The following CTNNA3 variants were observed in gnomAD, a reference collection of about 807,000 sequenced individuals.
The protein encoded by CTNNA3 is catenin alpha-3.
In CTNNA3, 76 loss-of-function variants were observed where a neutral mutation model predicts 95.7. The ratio of observed to expected loss-of-function variants is 0.79; its 90% CI spans 0.66 to 0.96. CTNNA3 has a LOEUF of 0.96. Ranked by LOEUF, CTNNA3 falls within the 40% of genes least tolerant of loss-of-function variation. The pLI is 0.00. For synonymous variants in CTNNA3, 431 were observed against 374.4 expected, an observed-to-expected ratio of 1.15 and a Z score of -1.74; for missense variants, 1,191 against 1,089.8, an observed-to-expected ratio of 1.09 and a Z score of -1.31.
At chr10:66,134,178 C>T (rs1440240023) in intron 13 of CTNNA3, among the ~76,000 whole-genome samples, 2 of 152,022 alleles carry the variant, frequency 1.3e-5, no homozygotes, top group Admixed American at 1.3e-4. Context: ...GAAAAAAGAA[C>T]ATTAAAGTGA....
At chr10:66,584,659 T>C (rs975054461) in intron 10 of CTNNA3, among the ~76,000 whole-genome samples, 3 of 151,980 alleles carry the variant, frequency 2.0e-5, no homozygotes, top group Non-Finnish European at 4.4e-5. Flanking sequence ...GTGCATCTTT[T>C]TAAAGTGGAG....
intron 9 of CTNNA3, among the ~76,000 whole-genome samples, chr10:66,687,909 T>G (rs1478416554): frequency 6.6e-6 from 1 of 152,156 alleles, no homozygotes; most frequent in Non-Finnish European, 1.5e-5. Context: ...TCAATTATAC[T>G]ATAGAGTTTG....
chr10:67,369,024 G>A, intron 5 of CTNNA3, among the ~76,000 whole-genome samples: 1 of 152,086 alleles, frequency 6.6e-6, no homozygotes, highest in South Asian at 2.1e-4. Flanking sequence ...CTACTTTAGG[G>A]GCTGAAGCAG....
intron 13 of CTNNA3, among the ~76,000 whole-genome samples, chr10:66,250,932 G>T (rs1482587241): frequency 1.3e-5 from 2 of 152,148 alleles, no homozygotes; most frequent in South Asian, 2.1e-4. Flanking sequence ...GAATTGACTA[G>T]TTACCATATG....
At chr10:66,048,193 G>A (rs7903671) in intron 15 of CTNNA3, among the ~76,000 whole-genome samples, 50,689 of 151,992 alleles carry the variant, frequency 0.33, 8,453 homozygotes, top group South Asian at 0.42. Flanking sequence ...AAAGAGCAAA[G>A]CTGGAGGCAT....
intron 11 of CTNNA3, among the ~76,000 whole-genome samples, chr10:66,396,135 G>A (rs1447101107): frequency 3.3e-5 from 5 of 151,886 alleles, no homozygotes; most frequent in Non-Finnish European, 5.9e-5. Flanking sequence ...TTTAATGGCT[G>A]CATAGTATTC....
At chr10:66,380,048 C>T (rs948606914) in intron 11 of CTNNA3, among the ~76,000 whole-genome samples, 11 of 152,224 alleles carry the variant, frequency 7.2e-5, no homozygotes, top group African/African-American at 2.7e-4. Context: ...GGCTTTATCA[C>T]ATGAATCCCC....
intron 15 of CTNNA3, among the ~76,000 whole-genome samples, chr10:66,012,453 C>T (rs1424820541): frequency 1.3e-5 from 2 of 152,060 alleles, no homozygotes; most frequent in Non-Finnish European, 2.9e-5. Flanking sequence ...AAAAATCTGA[C>T]CCACAGAGAT....
rs1207020638 is a variant in CTNNA3 at position 67,678,417 on chromosome 10, C to G, written c.-6+17583G>C. On this transcript the variant is annotated intron_variant, in intron 1 of 17. Transcript: ENST00000433211. ...TAATTAAAATCTGAATCATTCCTCTCCTTTATCTCCTGCCTCTCTACCAGC... is the reference window on the plus strand; with the variant it reads ...TAATTAAAATCTGAATCATTCCTCTGCTTTATCTCCTGCCTCTCTACCAGC... Among the ~76,000 whole-genome samples, 3 of 152,124 alleles carry G rather than the reference C, an allele frequency of 2.0e-5. No homozygotes were observed. The East Asian group carries it at 5.8e-4, about 29-fold the overall frequency.
chr10:67,504,028 G>A (rs548796562), intron 5 of CTNNA3, among the ~76,000 whole-genome samples: 7 of 151,780 alleles, frequency 4.6e-5, no homozygotes, highest in African/African-American at 1.5e-4. Flanking sequence ...ATGGTGGTGG[G>A]TGCCTGTAGT....
intron 7 of CTNNA3, among the ~76,000 whole-genome samples, chr10:66,986,131 G>A (rs1850716856): frequency 6.6e-6 from 1 of 152,096 alleles, no homozygotes; most frequent in South Asian, 2.1e-4. Context: ...TTGCCTGTCT[G>A]GTTAATCAGT....
At chr10:66,994,952 A>AT (rs1851247469) in intron 7 of CTNNA3, among the ~76,000 whole-genome samples, 1 of 152,184 alleles carries the variant, frequency 6.6e-6, no homozygotes, top group South Asian at 2.1e-4. Context: ...CACTGCCAAG[A>AT]TGGAACTCTC....
At chr10:66,977,091 T>C (rs953670292) in intron 7 of CTNNA3, among the ~76,000 whole-genome samples, 26 of 152,012 alleles carry the variant, frequency 1.7e-4, no homozygotes, top group African/African-American at 6.3e-4. Context: ...AATGGGAAAA[T>C]AGATTAAGGC....
upstream of CTNNA3, among the ~76,000 whole-genome samples, chr10:67,699,215 CA>C (rs1841013887): frequency 6.6e-6 from 1 of 152,154 alleles, no homozygotes. Flanking sequence ...TTCAAACAAA[CA>C]AAACATACTT....
rs188144485 is a variant in CTNNA3 at position 66,437,426 on chromosome 10, T to A, written c.1532-58074A>T. On this transcript the variant is annotated intron_variant, in intron 11 of 17. Coordinates refer to ENST00000433211, the MANE Select transcript of CTNNA3 (RefSeq NM_013266.4). Reference sequence around the variant, plus strand: ...CTCTAATCTTGTCTTTATGCTTTATTTCATTAAGTTGATCTTCAATCTCTG... The same window carrying A: ...CTCTAATCTTGTCTTTATGCTTTATATCATTAAGTTGATCTTCAATCTCTG... Among the ~76,000 whole-genome samples, 15 of 152,278 alleles carry A rather than the reference T, an allele frequency of 9.9e-5. No individual in the cohort carries two copies. In the East Asian group the frequency reaches 2.9e-3, roughly 29 times the overall value.
At chr10:66,751,251 G>C (rs141945922) in intron 9 of CTNNA3, among the ~76,000 whole-genome samples, 1,735 of 152,178 alleles carry the variant, frequency 0.011, 31 homozygotes, top group African/African-American at 0.038. Flanking sequence ...CTGGGTGACA[G>C]AGTGAGACTA....
At chr10:66,689,550 G>T (rs950680271) in intron 9 of CTNNA3, among the ~76,000 whole-genome samples, 1 of 152,104 alleles carries the variant, frequency 6.6e-6, no homozygotes, top group African/African-American at 2.4e-5. Flanking sequence ...TTAAAGAGGT[G>T]ATATTAATTA....
At chr10:66,273,908 G>T (rs776551438) in intron 13 of CTNNA3, among the ~76,000 whole-genome samples, 210 of 152,086 alleles carry the variant, frequency 1.4e-3, no homozygotes, top group Non-Finnish European at 2.3e-3. Context: ...TGAATAGAAA[G>T]GGTTAGCAGA....
At chr10:67,571,297 G>A (rs1411481438) in intron 3 of CTNNA3, among the ~76,000 whole-genome samples, 1 of 152,054 alleles carries the variant, frequency 6.6e-6, no homozygotes, top group African/African-American at 2.4e-5. Context: ...AATATTTGTT[G>A]ACTGTTTGAT....
Sources: allele counts gnomAD v4.1 joint callset (sites outside exome capture counted in the v4.1 genomes callset), GRCh38; gene constraint gnomAD v4.1.1; transcripts MANE v1.5; gene names NCBI Gene and HGNC (gene_info 2026-07-23, HGNC 2026-07-21).